VAPA: variants seen among roughly 807,000 people sequenced by gnomAD.
VAPA encodes vesicle-associated membrane protein-associated protein A.
A neutral mutation model predicts 25.6 loss-of-function variants in VAPA; 6 were observed. That is an observed-to-expected ratio of 0.23 (90% CI 0.13 to 0.46). The LOEUF (loss-of-function observed/expected upper bound fraction) is 0.46. Ranked by LOEUF, VAPA falls within the 20% of genes least tolerant of loss-of-function variation. The probability of loss-of-function intolerance (pLI) is 0.99; values close to 1 mark genes in which losing one functional copy is unlikely to be tolerated. For missense variants in VAPA, 244 were observed against 302.1 expected, an observed-to-expected ratio of 0.81 and a Z score of 1.43; for synonymous variants, 112 against 106.2, an observed-to-expected ratio of 1.05 and a Z score of -0.34.
At chr18:9,945,318 A>AATTTTTT (rs1187531394) in intron 4 of VAPA, among the ~76,000 whole-genome samples, 1 of 137,800 alleles carries the variant, frequency 7.3e-6, no homozygotes, top group Non-Finnish European at 1.6e-5. Context: ...AAGTTGCTGT[A>AATTTTTT]ATTTTTTTCT....
In VAPA at chr18:9,958,428, AAG is replaced by A. The variant is rs879392534; in HGVS notation, c.*4222_*4223del. ...TTGCTATGTATAACACCCATCTTGA[AAG>A]AGAGTATATAGGAAGTTATTCAGAT... On this transcript the variant is annotated 3_prime_UTR_variant, in exon 6 of 6. Transcript: ENST00000400000. 1.3e-5 allele frequency: 2 copies of A among 152,206 alleles called. No individual in the cohort carries two copies. The highest frequency in any genetic ancestry group is 2.9e-5 in the Non-Finnish European group (2 of 68,044). 9.4% of individuals were successfully genotyped at this position (152,206 alleles called of 1,614,324 possible).
chr18:9,933,014 A>G (rs942499924), intron 2 of VAPA, among the ~76,000 whole-genome samples: 11 of 151,962 alleles, frequency 7.2e-5, no homozygotes, highest in African/African-American at 2.4e-4. Flanking sequence ...AGGCTGAGGC[A>G]GAGAATTGCT....
rs1033682329 is a variant in VAPA, at chr18:9,956,330, A to T, written c.*2119A>T. The T allele has an allele frequency of 2.0e-5, 3 of 152,236 alleles. No homozygotes were observed. Among genetic ancestry groups the T allele is most frequent in the African/African-American group, 7.2e-5 (3 of 41,458 alleles). The allele number at this position is 152,236 out of a possible 1,614,324, so 9.4% of individuals were successfully genotyped here. ...TAATGAACATAAAATGCTATTTATA[A>T]TAACAAGTATATGTGAAATTTCTTA... On this transcript the variant is annotated 3_prime_UTR_variant, in exon 6 of 6. Transcript: ENST00000400000.
At chr18:9,922,230 A>G (rs1369213419) in intron 1 of VAPA, among the ~76,000 whole-genome samples, 1 of 152,112 alleles carries the variant, frequency 6.6e-6, no homozygotes, top group African/African-American at 2.4e-5. Flanking sequence ...TCAGCCTCCC[A>G]AAGTGCTGGA....
rs2069538938 is a variant in VAPA, at chr18:9,955,493, A to G, written c.*1282A>G. ...AGAAAATTTTGGAATCAGAAAATAG[A>G]TCCAGTGTTTAGCTACATACAATCT... is the stretch of plus-strand genomic sequence containing the variant. On this transcript the variant is annotated 3_prime_UTR_variant, in exon 6 of 6. Transcript: ENST00000400000. 6.6e-6 allele frequency: 1 copy of G among 152,200 alleles called. No individual in the cohort carries two copies. Among genetic ancestry groups the G allele is most frequent in the Admixed American group, 6.5e-5 (1 of 15,280 alleles). 9.4% of individuals were successfully genotyped at this position (152,200 alleles called of 1,614,324 possible). A position where few individuals can be genotyped will look rare whatever the true frequency, so the allele number is the denominator to read the frequency against.
At chr18:9,952,574 A>AAC (rs2069501290) in intron 5 of VAPA, among the ~76,000 whole-genome samples, 1 of 151,836 alleles carries the variant, frequency 6.6e-6, no homozygotes. Flanking sequence ...CAAAAAAAAA[A>AAC]AAAAAACAAA....
At chr18:9,928,251 T>G (rs1260661449) in intron 1 of VAPA, among the ~76,000 whole-genome samples, 1 of 152,164 alleles carries the variant, frequency 6.6e-6, no homozygotes, top group Non-Finnish European at 1.5e-5. Flanking sequence ...TTTTCACTGT[T>G]TTTTCAATTT....
At chr18:9,935,107 A>AG (rs1469176290) in intron 2 of VAPA, among the ~76,000 whole-genome samples, 3 of 151,798 alleles carry the variant, frequency 2.0e-5, no homozygotes, top group Non-Finnish European at 4.4e-5. Context: ...AAAAAAAAAA[A>AG]AAAAAACTTA....
chr18:9,954,240 T>TC lies in VAPA; in HGVS notation c.*29_*30insC. 1 of 1,563,822 alleles carries TC rather than the reference T, an allele frequency of 6.4e-7. No homozygotes were observed. Among genetic ancestry groups the TC allele is most frequent in the Non-Finnish European group, 8.6e-7 (1 of 1,161,368 alleles). On this transcript the variant is annotated 3_prime_UTR_variant, in exon 6 of 6. Coordinates refer to ENST00000400000, the MANE Select transcript of VAPA (RefSeq NM_194434.3). ...GAAGCATGCAGAGTGCTGTTTCTTT[T>TC]TTTTTTTTTCTCTTGACCAGAAAAA... is the stretch of plus-strand genomic sequence containing the variant.
In VAPA at chr18:9,957,320, G is replaced by C. The variant is rs1286376846; in HGVS notation, c.*3109G>C. The C allele has an allele frequency of 6.6e-6, 1 of 152,182 alleles. No homozygotes were observed. The highest frequency in any genetic ancestry group is 2.4e-5 in the African/African-American group (1 of 41,444). 9.4% of individuals were successfully genotyped at this position (152,182 alleles called of 1,614,324 possible). A position where few individuals can be genotyped will look rare whatever the true frequency, so the allele number is the denominator to read the frequency against. On this transcript the variant is annotated 3_prime_UTR_variant, in exon 6 of 6. Coordinates refer to ENST00000400000, the MANE Select transcript of VAPA (RefSeq NM_194434.3). ...TTACAGGTGTGAGCTGCCGCACCCA[G>C]CCAAGAAAAATAATACTCTTAAATA...
rs970967729 is a variant in VAPA, at chr18:9,958,602, T to C, written c.*4391T>C. On this transcript the variant is annotated 3_prime_UTR_variant, in exon 6 of 6. Coordinates refer to ENST00000400000, the MANE Select transcript of VAPA (RefSeq NM_194434.3). Reference sequence around the variant, plus strand: ...TGGAGATCTGGCATGGTAGTTTTTTTCAAGCTCCAATCATCGGCCAGACAG... The same window carrying C: ...TGGAGATCTGGCATGGTAGTTTTTTCCAAGCTCCAATCATCGGCCAGACAG... The C allele has an allele frequency of 6.6e-6, 1 of 152,256 alleles. No homozygotes were observed. Among genetic ancestry groups the C allele is most frequent in the African/African-American group, 2.4e-5 (1 of 41,540 alleles). 9.4% of individuals were successfully genotyped at this position (152,256 alleles called of 1,614,324 possible).
intron 5 of VAPA, among the ~76,000 whole-genome samples, chr18:9,952,025 C>G (rs958010196): frequency 3.3e-5 from 5 of 152,164 alleles, no homozygotes; most frequent in African/African-American, 1.2e-4. Context: ...TTCCATAGTT[C>G]TGTTCTTTGA....
intron 1 of VAPA, 161 bp downstream of exon 1, chr18:9,914,496 T>TCGGCCGGCCTGCCCCTTGCTC: frequency 2.0e-6 from 1 of 506,466 alleles, no homozygotes; most frequent in African/African-American, 2.1e-5. Flanking sequence ...TGCCGCCACC[T>TCGGCCGGCCTGCCCCTTGCTC]CGGCCGGCCT....
chr18:9,927,340 GC>G (rs1290726271), intron 1 of VAPA, among the ~76,000 whole-genome samples: 9 of 152,118 alleles, frequency 5.9e-5, no homozygotes, highest in Non-Finnish European at 1.2e-4. Flanking sequence ...GGAAAAGCTA[GC>G]TGTTCCCCTC....
rs1491496554 is a variant in VAPA, at chr18:9,939,519, T to TC, written c.417+2453_417+2454insC. Among the ~76,000 whole-genome samples, 23 of 39,768 alleles carry TC rather than the reference T, an allele frequency of 5.8e-4. 1 individual carries two copies. The highest frequency in any genetic ancestry group is 1.2e-3 in the African/African-American group (10 of 8,488). 26.1% of individuals were successfully genotyped at this position (39,768 alleles called of 152,430 possible). A position where few individuals can be genotyped will look rare whatever the true frequency, so the allele number is the denominator to read the frequency against. The stretch of plus-strand genomic sequence containing the variant: ...CTCTTAGTTTGTTACGTTTCCTCTC[T>TC]TTTTTTTTTTTTTTTGCAAATTATT... On this transcript the variant is annotated intron_variant, in intron 4 of 5. Transcript: ENST00000400000.
chr18:9,939,061 A>G (rs1272974443), intron 4 of VAPA, among the ~76,000 whole-genome samples: 2 of 152,196 alleles, frequency 1.3e-5, no homozygotes, highest in Non-Finnish European at 2.9e-5. Context: ...AATTTAGTAT[A>G]TCCTTAATAT....
chr18:9,918,585 C>T (rs142361035), intron 1 of VAPA, among the ~76,000 whole-genome samples: 1 of 152,222 alleles, frequency 6.6e-6, no homozygotes, highest in East Asian at 1.9e-4. Context: ...CTTATTTGCT[C>T]CATTTATTGT....
In VAPA at chr18:9,955,227, A is replaced by G. The variant is rs766151705; in HGVS notation, c.*1016A>G. 6.6e-6 allele frequency: 1 copy of G among 152,176 alleles called. No homozygotes were observed. The highest frequency in any genetic ancestry group is 2.4e-5 in the African/African-American group (1 of 41,440). 9.4% of individuals were successfully genotyped at this position (152,176 alleles called of 1,614,324 possible). A position where few individuals can be genotyped will look rare whatever the true frequency, so the allele number is the denominator to read the frequency against. ...TAAATAAGTCTTACTACTTTTCATA[A>G]TATTTCATAATAGTTAAAAGTAGGT... On this transcript the variant is annotated 3_prime_UTR_variant, in exon 6 of 6. Transcript: ENST00000400000.
In VAPA at chr18:9,955,533, T is replaced by C. The variant is rs1194547892; in HGVS notation, c.*1322T>C. On this transcript the variant is annotated 3_prime_UTR_variant, in exon 6 of 6. Coordinates refer to ENST00000400000, the MANE Select transcript of VAPA (RefSeq NM_194434.3). ...ACATACAATCTAGTACAAGTGAATTTTTATTCTTAAACATAGGTGTGTTGG... is the reference window on the plus strand; with the variant it reads ...ACATACAATCTAGTACAAGTGAATTCTTATTCTTAAACATAGGTGTGTTGG... The C allele has an allele frequency of 6.6e-6, 1 of 152,200 alleles. No individual in the cohort carries two copies. The highest frequency in any genetic ancestry group is 1.5e-5 in the Non-Finnish European group (1 of 68,014). 9.4% of individuals were successfully genotyped at this position (152,200 alleles called of 1,614,324 possible).
Sources: allele counts gnomAD v4.1 joint callset (sites outside exome capture counted in the v4.1 genomes callset), GRCh38; gene constraint gnomAD v4.1.1; transcripts MANE v1.5; gene names NCBI Gene and HGNC (gene_info 2026-07-23, HGNC 2026-07-21).